FRMD4A: variants seen among roughly 807,000 people sequenced by gnomAD.
FRMD4A encodes FERM domain containing 4A.
In FRMD4A, 29 loss-of-function variants were observed where a neutral mutation model predicts 129.1. The observed-to-expected ratio is 0.22, with a 90% CI of 0.17 to 0.31. The LOEUF (loss-of-function observed/expected upper bound fraction) is 0.31, where lower values mean the gene tolerates loss of function less well. FRMD4A is among the 10% of genes least tolerant of loss of function. FRMD4A has a pLI of 1.00. For synonymous variants in FRMD4A, 634 were observed against 571.6 expected (o/e 1.11, Z -1.56); for missense variants, 1,272 against 1,375.8 (o/e 0.92, Z 1.19).
intron 6 of FRMD4A, among the ~76,000 whole-genome samples, chr10:13,775,217 C>T (rs565152452): frequency 4.9e-4 from 74 of 152,298 alleles, no homozygotes; most frequent in African/African-American, 1.4e-3. Flanking sequence ...ATGCATGTCA[C>T]GTCTCCAGAC....
At chr10:13,936,828 T>C (rs1031308594) in intron 2 of FRMD4A, among the ~76,000 whole-genome samples, 2 of 152,228 alleles carry the variant, frequency 1.3e-5, no homozygotes, top group Non-Finnish European at 1.5e-5. Flanking sequence ...TTTAAGATTC[T>C]ATATTCTACA....
At chr10:13,738,525 G>A (rs1398214261) in intron 11 of FRMD4A, among the ~76,000 whole-genome samples, 1 of 152,172 alleles carries the variant, frequency 6.6e-6, no homozygotes. Flanking sequence ...ATGACAGCTG[G>A]GTGCCAGGCA....
At chr10:13,830,143 A>T (rs1056080122) in intron 3 of FRMD4A, among the ~76,000 whole-genome samples, 1 of 152,176 alleles carries the variant, frequency 6.6e-6, no homozygotes, top group Non-Finnish European at 1.5e-5. Context: ...GTCTGCAGAG[A>T]GAGAAATCAT....
intron 2 of FRMD4A, among the ~76,000 whole-genome samples, chr10:13,942,720 G>T (rs539180044): frequency 6.6e-6 from 1 of 152,176 alleles, no homozygotes; most frequent in East Asian, 1.9e-4. Flanking sequence ...AGATCACGAG[G>T]TCAAGAGACT....
intron 2 of FRMD4A, among the ~76,000 whole-genome samples, chr10:14,060,712 C>T (rs1027726342): frequency 6.6e-6 from 1 of 152,062 alleles, no homozygotes; most frequent in East Asian, 1.9e-4. Context: ...GGTGGGTGAT[C>T]AAGGCAACAT....
intron 2 of FRMD4A, among the ~76,000 whole-genome samples, chr10:13,946,761 G>C (rs780623435): frequency 1.3e-5 from 2 of 152,176 alleles, no homozygotes; most frequent in Non-Finnish European, 2.9e-5. Flanking sequence ...TAAGGTGTGT[G>C]TCAAATGGGT....
At chr10:13,838,450 C>T (rs1200082924) in intron 3 of FRMD4A, among the ~76,000 whole-genome samples, 1 of 151,262 alleles carries the variant, frequency 6.6e-6, no homozygotes, top group African/African-American at 2.4e-5. Flanking sequence ...CTCTGCTTCT[C>T]AGTTTGTTGC....
At chr10:13,951,927 AAT>A (rs1429750485) in intron 2 of FRMD4A, among the ~76,000 whole-genome samples, 40 of 146,350 alleles carry the variant, frequency 2.7e-4, no homozygotes, top group African/African-American at 6.4e-4. Flanking sequence ...TAATAATAAT[AAT>A]AAACAATCTA....
chr10:13,935,074 G>T (rs2095237546), intron 2 of FRMD4A, among the ~76,000 whole-genome samples: 1 of 152,156 alleles, frequency 6.6e-6, no homozygotes, highest in African/African-American at 2.4e-5. Context: ...ATGAATTTTG[G>T]GGGGACACAA....
chr10:13,924,730 G>A (rs527540314), intron 2 of FRMD4A, among the ~76,000 whole-genome samples: 29 of 152,232 alleles, frequency 1.9e-4, no homozygotes, highest in Admixed American at 1.9e-3. Flanking sequence ...GCACGGACAT[G>A]TTTTATTCTC....
chr10:13,777,616 A>G (rs10906472), intron 6 of FRMD4A, among the ~76,000 whole-genome samples: 90,250 of 151,710 alleles, frequency 0.59, 28,928 homozygotes, highest in East Asian at 0.86. Flanking sequence ...CACTCAGGGC[A>G]TCTGTAGTAT....
chr10:13,834,849 T>G (rs563154759), intron 3 of FRMD4A, among the ~76,000 whole-genome samples: 1 of 152,236 alleles, frequency 6.6e-6, no homozygotes, highest in African/African-American at 2.4e-5. Context: ...GGTTAACATT[T>G]CCCCTCTTGA....
At chr10:14,034,770 C>A (rs1437328016) in intron 2 of FRMD4A, among the ~76,000 whole-genome samples, 1 of 152,198 alleles carries the variant, frequency 6.6e-6, no homozygotes, top group African/African-American at 2.4e-5. Context: ...GTGCCTGACA[C>A]CAGGTTCATG....
chr10:14,275,004 T>C (rs1328831639), intron 2 of FRMD4A, among the ~76,000 whole-genome samples: 2 of 152,214 alleles, frequency 1.3e-5, no homozygotes, highest in Admixed American at 1.3e-4. Context: ...CAAGGTGTGA[T>C]CTTAGACTGT....
chr10:13,649,640 A>C (rs2081386927), intron 24 of FRMD4A: 1 of 152,240 alleles, frequency 6.6e-6, no homozygotes, highest in Non-Finnish European at 1.5e-5. Context: ...TTATTGAAGT[A>C]CGTAAGGTAT....
chr10:13,772,321 A>T (rs1367129060), intron 6 of FRMD4A, among the ~76,000 whole-genome samples: 1 of 151,676 alleles, frequency 6.6e-6, no homozygotes, highest in Admixed American at 6.6e-5. Flanking sequence ...TAGAGACCAG[A>T]ATAGATGCCC....
At chr10:14,006,167 C>G (rs1014593649) in intron 2 of FRMD4A, among the ~76,000 whole-genome samples, 5 of 152,192 alleles carry the variant, frequency 3.3e-5, no homozygotes, top group African/African-American at 1.2e-4. Flanking sequence ...GACAGGACAT[C>G]ATACATTTCA....
chr10:13,740,597 A>T lies in FRMD4A; in HGVS notation c.549-20T>A. 7.2e-7 allele frequency: 1 copy of T among 1,391,102 alleles called. No individual in the cohort carries two copies. Among genetic ancestry groups the T allele is most frequent in the Non-Finnish European group, 1.0e-6 (1 of 986,636 alleles). The allele number at this position is 1,391,102 out of a possible 1,614,324, so 86.2% of individuals were successfully genotyped here. A position where few individuals can be genotyped will look rare whatever the true frequency, so the allele number is the denominator to read the frequency against. ...TCTTCACTGTAATTAGAAGAAAAGA[A>T]TGCTGTTGTTGGAGTCTCTAGGTCA... On this transcript the variant is annotated intron_variant, in intron 9 of 24. Transcript: ENST00000357447.
At chr10:13,960,590 C>T (rs541475901) in intron 2 of FRMD4A, among the ~76,000 whole-genome samples, 1 of 152,160 alleles carries the variant, frequency 6.6e-6, no homozygotes, top group Non-Finnish European at 1.5e-5. Flanking sequence ...GAAGGGGAAG[C>T]GATTTGTCCT....
Sources: allele counts gnomAD v4.1 joint callset (sites outside exome capture counted in the v4.1 genomes callset), GRCh38; gene constraint gnomAD v4.1.1; transcripts MANE v1.5; gene names NCBI Gene and HGNC (gene_info 2026-07-23, HGNC 2026-07-21).